MARCHF1: variants seen among roughly 807,000 people sequenced by gnomAD.
The protein encoded by MARCHF1 is membrane associated ring-CH-type finger 1.
MARCHF1 carries 40 observed loss-of-function variants against 54.2 expected under a neutral mutation model. The observed-to-expected ratio is 0.74, with a 90% CI of 0.57 to 0.96. The LOEUF (loss-of-function observed/expected upper bound fraction) is 0.96, where lower values mean the gene tolerates loss of function less well. Ranked by LOEUF, MARCHF1 falls within the 40% of genes least tolerant of loss-of-function variation. MARCHF1 has a pLI of 0.00. For missense variants in MARCHF1, 586 were observed against 656.5 expected (o/e 0.89, Z 1.17); for synonymous variants, 236 against 236.3 (o/e 1.00, Z 0.01).
intron 1 of MARCHF1, among the ~76,000 whole-genome samples, chr4:164,121,448 A>C (rs925603289): frequency 6.6e-6 from 1 of 152,132 alleles, no homozygotes; most frequent in African/African-American, 2.4e-5. Flanking sequence ...GTCCTTCTTC[A>C]CAAGGCAGCA....
chr4:164,133,262 GC>G (rs1756337854), intron 1 of MARCHF1, among the ~76,000 whole-genome samples: 1 of 152,286 alleles, frequency 6.6e-6, no homozygotes, highest in East Asian at 1.9e-4. Context: ...ACCTGTGGTT[GC>G]CCAGCTGCTC....
chr4:164,207,739 T>C (rs996963070), intron 1 of MARCHF1, among the ~76,000 whole-genome samples: 1 of 152,090 alleles, frequency 6.6e-6, no homozygotes, highest in Non-Finnish European at 1.5e-5. Flanking sequence ...CTGGAGTTGG[T>C]TTGGGACCAG....
In MARCHF1 at chr4:164,036,110, A is replaced by AC. The variant is rs1444990291; in HGVS notation, c.-247-47402_-247-47401insG. Among the ~76,000 whole-genome samples, 263 of 136,924 alleles carry AC rather than the reference A, an allele frequency of 1.9e-3. 1 individual carries two copies. The highest frequency in any genetic ancestry group is 3.9e-3 in the Middle Eastern group (1 of 258). 89.8% of individuals were successfully genotyped at this position (136,924 alleles called of 152,430 possible). A position where few individuals can be genotyped will look rare whatever the true frequency, so the allele number is the denominator to read the frequency against. ...ACAGTGAGATTCTGTCTCAAAAAAA[A>AC]AAAAAACAAAAAACAAAAAACAAAA... is the stretch of plus-strand genomic sequence containing the variant. On this transcript the variant is annotated intron_variant, in intron 2 of 9. Transcript: ENST00000514618.
chr4:164,345,752 G>T (rs531972907), intron 1 of MARCHF1, among the ~76,000 whole-genome samples: 1 of 151,794 alleles, frequency 6.6e-6, no homozygotes, highest in East Asian at 1.9e-4. Flanking sequence ...TTCCCTACTA[G>T]ATATTGTTGT....
chr4:164,018,906 G>A (rs1334213671), intron 2 of MARCHF1, among the ~76,000 whole-genome samples: 1 of 152,142 alleles, frequency 6.6e-6, no homozygotes, highest in Non-Finnish European at 1.5e-5. Context: ...GTTCCTCTAA[G>A]TTTTACCTTT....
chr4:164,221,459 T>G (rs899712191), intron 1 of MARCHF1, among the ~76,000 whole-genome samples: 3 of 151,856 alleles, frequency 2.0e-5, no homozygotes, highest in Non-Finnish European at 2.9e-5. Flanking sequence ...GAAAATAAAA[T>G]TCATTAAAAA....
At chr4:163,723,402 C>T (rs977222602) in intron 4 of MARCHF1, among the ~76,000 whole-genome samples, 4 of 152,214 alleles carry the variant, frequency 2.6e-5, no homozygotes, top group Non-Finnish European at 5.9e-5. Context: ...AGCTGTTAGT[C>T]TGGTGGGCTT....
At chr4:164,335,455 G>T (rs1053277680) in intron 1 of MARCHF1, among the ~76,000 whole-genome samples, 2 of 152,020 alleles carry the variant, frequency 1.3e-5, no homozygotes, top group African/African-American at 4.8e-5. Flanking sequence ...GGTGGCTTGC[G>T]CCTATAGTCC....
intron 8 of MARCHF1, chr4:163,583,636 T>G (rs1213302976): frequency 8.4e-6 from 1 of 119,186 alleles, no homozygotes; most frequent in Non-Finnish European, 1.7e-5. Flanking sequence ...TTATCATGAA[T>G]TTTTGTTTTT....
At chr4:164,363,318 T>C (rs1051427832) in intron 1 of MARCHF1, among the ~76,000 whole-genome samples, 2 of 152,162 alleles carry the variant, frequency 1.3e-5, no homozygotes, top group Non-Finnish European at 2.9e-5. Context: ...AACAAAACTA[T>C]AAACTACTTC....
chr4:164,242,266 C>T (rs576430199), intron 1 of MARCHF1, among the ~76,000 whole-genome samples: 7 of 143,498 alleles, frequency 4.9e-5, no homozygotes, highest in South Asian at 4.7e-4. Context: ...TCTCCCAGCA[C>T]GCAGCTGGAG....
chr4:163,536,721 G>C (rs1738548960), intron 9 of MARCHF1, among the ~76,000 whole-genome samples: 1 of 152,118 alleles, frequency 6.6e-6, no homozygotes, highest in Non-Finnish European at 1.5e-5. Context: ...TCCAGAAACA[G>C]TGACCAAAGC....
At chr4:164,016,671 G>A (rs1438591757) in intron 2 of MARCHF1, among the ~76,000 whole-genome samples, 1 of 152,040 alleles carries the variant, frequency 6.6e-6, no homozygotes, top group East Asian at 1.9e-4. Flanking sequence ...TGCTGTGGAG[G>A]GGAGAATAAA....
rs946824623 is a variant in MARCHF1, at chr4:163,702,435, G to T, written c.112-1572C>A. Among the ~76,000 whole-genome samples, 6 of 152,304 alleles carry T rather than the reference G, an allele frequency of 3.9e-5. No individual in the cohort carries two copies. In the South Asian group the frequency reaches 1.2e-3, roughly 32 times the overall value. ...TCACATAATATAATAGGCTTTGGGAGAGACTGGTAGCAGTGGTTATTTTGT... is the reference window on the plus strand; with the variant it reads ...TCACATAATATAATAGGCTTTGGGATAGACTGGTAGCAGTGGTTATTTTGT... On this transcript the variant is annotated intron_variant, in intron 4 of 9. Coordinates refer to ENST00000514618, the MANE Select transcript of MARCHF1 (RefSeq NM_001394959.1).
At chr4:163,933,142 A>G (rs1751717264) in intron 3 of MARCHF1, 1 of 933,746 alleles carries the variant, frequency 1.1e-6, no homozygotes, top group Non-Finnish European at 1.7e-6. Flanking sequence ...CTGAATGAAG[A>G]TTCATCCAAA....
At chr4:163,749,590 A>G (rs116388393) in intron 4 of MARCHF1, among the ~76,000 whole-genome samples, 1 of 152,112 alleles carries the variant, frequency 6.6e-6, no homozygotes, top group Admixed American at 6.5e-5. Context: ...AATTGGGGGA[A>G]TATCTCTTTT....
intron 9 of MARCHF1, among the ~76,000 whole-genome samples, chr4:163,532,273 T>G (rs961735107): frequency 6.6e-6 from 1 of 151,776 alleles, no homozygotes; most frequent in Non-Finnish European, 1.5e-5. Flanking sequence ...AGCCCAGAAA[T>G]AGACTGATAC....
intron 1 of MARCHF1, among the ~76,000 whole-genome samples, chr4:164,187,249 G>C (rs1226687791): frequency 8.9e-6 from 1 of 112,674 alleles, no homozygotes; most frequent in Non-Finnish European, 2.0e-5. Context: ...TATGCACCAG[G>C]GTCATAAAAC....
intron 8 of MARCHF1, among the ~76,000 whole-genome samples, chr4:163,568,470 A>T (rs1187782560): frequency 1.3e-5 from 2 of 152,136 alleles, no homozygotes; most frequent in African/African-American, 4.8e-5. Flanking sequence ...AAGACTGAAG[A>T]TGTAGGCTAT....
Sources: gnomAD v4.1 joint callset for allele counts (sites outside exome capture counted in the v4.1 genomes callset) on GRCh38, gnomAD v4.1.1 for gene constraint, MANE v1.5 for transcripts, NCBI Gene and HGNC (gene_info 2026-07-23, HGNC 2026-07-21) for gene names.